SHROOM4: variants seen among roughly 807,000 people sequenced by gnomAD.
The protein encoded by SHROOM4 is protein Shroom4.
A neutral mutation model predicts 80.3 loss-of-function variants in SHROOM4; 17 were observed. The observed-to-expected ratio is 0.21, with a 90% CI of 0.14 to 0.32. The LOEUF (loss-of-function observed/expected upper bound fraction) is 0.32. SHROOM4 is among the 10% of genes least tolerant of loss of function. SHROOM4 has a pLI of 1.00. For missense variants in SHROOM4, 993 were observed against 1,140.3 expected (o/e 0.87, Z 1.86); for synonymous variants, 400 against 437.5 (o/e 0.91, Z 1.07).
chrX:50,655,483 A>ATG (rs1160048698), intron 2 of SHROOM4, among the ~76,000 whole-genome samples: 7 of 106,619 alleles, frequency 6.6e-5, no homozygotes, highest in South Asian at 4.0e-4. Context: ...TTCATTGTAT[A>ATG]TGTGTGTGTG....
chrX:50,590,134 T>A lies in SHROOM4; in HGVS notation c.*6561A>T, dbSNP rs1928839179. ...CACATGCTGAAGCCCTAATCCCCAA[T>A]GTGATGGCATATGGAGGTGGGGCCT... On this transcript the variant is annotated 3_prime_UTR_variant, in exon 9 of 9. Transcript: ENST00000376020. Among the ~76,000 whole-genome samples, 1 of 111,706 alleles carries A rather than the reference T, an allele frequency of 9.0e-6. No individual in the cohort carries two copies. The highest frequency in any genetic ancestry group is 1.9e-5 in the Non-Finnish European group (1 of 53,133).
intron 2 of SHROOM4, among the ~76,000 whole-genome samples, chrX:50,651,732 A>AG (rs782313886): frequency 9.7e-6 from 1 of 102,815 alleles, no homozygotes; most frequent in Admixed American, 1.1e-4. Context: ...TCCCTCCCCT[A>AG]GCCCCTTAAC....
chrX:50,580,225 A>T, the SHROOM4 span, among the ~76,000 whole-genome samples: 1 of 112,293 alleles, frequency 8.9e-6, no homozygotes, highest in Non-Finnish European at 1.9e-5. Flanking sequence ...TTGAGTGTAC[A>T]TCAGAATCAG....
At chrX:50,632,297 T>A (rs1301501404) in intron 4 of SHROOM4, among the ~76,000 whole-genome samples, 1 of 112,325 alleles carries the variant, frequency 8.9e-6, no homozygotes, top group Non-Finnish European at 1.9e-5. Flanking sequence ...ACCAAGGATA[T>A]ATATTGAGCA....
intron 1 of SHROOM4, among the ~76,000 whole-genome samples, chrX:50,771,968 T>C (rs1157718699): frequency 9.1e-6 from 1 of 109,904 alleles, no homozygotes; most frequent in Non-Finnish European, 1.9e-5. Context: ...TGTAAAAACA[T>C]AGGCTAGAAA....
At position 50,635,133 on chromosome X, in the gene SHROOM4, C is replaced by T. The variant is rs1410362252; in HGVS notation, c.940G>A (p.Glu314Lys). The change falls in exon 4 of 9, where the codon GAG becomes AAG. Residue 314 changes from glutamate (E) to lysine (K), a missense_variant. Transcript: ENST00000376020. ...PLPQKEKLSL[E>K]PVLPARNPNR... Reference sequence around the variant, plus strand: ...GGGTTCCTTGCGGGTAGCACAGGCTCTAAGCTCAGTTTCTCCTTCTGTGGC... The same window carrying T: ...GGGTTCCTTGCGGGTAGCACAGGCTTTAAGCTCAGTTTCTCCTTCTGTGGC... 3.3e-6 allele frequency: 4 copies of T among 1,209,450 alleles called. No individual in the cohort carries two copies. Among genetic ancestry groups the T allele is most frequent in the Non-Finnish European group, 4.5e-6 (4 of 894,834 alleles).
chrX:50,710,533 G>A (rs1403796316), intron 1 of SHROOM4, among the ~76,000 whole-genome samples: 1 of 110,763 alleles, frequency 9.0e-6, no homozygotes, highest in African/African-American at 3.3e-5. Context: ...GGAGAGGGAC[G>A]AGGGTTGAAA....
chrX:50,657,717 T>A (rs1932359400), intron 2 of SHROOM4, among the ~76,000 whole-genome samples: 1 of 111,030 alleles, frequency 9.0e-6, no homozygotes, highest in Non-Finnish European at 1.9e-5. Flanking sequence ...TGTAGAGGAC[T>A]CATTTTTCAT....
At chrX:50,625,821 C>T (rs1930775556) in intron 5 of SHROOM4, among the ~76,000 whole-genome samples, 1 of 111,563 alleles carries the variant, frequency 9.0e-6, no homozygotes, top group South Asian at 3.8e-4. Flanking sequence ...GTTTGTGATC[C>T]TATCTAGGTT....
At position 50,679,347 on chromosome X, in the gene SHROOM4, C is replaced by T. The variant is rs144024104; in HGVS notation, c.269+16439G>A. On this transcript the variant is annotated intron_variant, in intron 2 of 8. Transcript: ENST00000376020. ...ATCCTTAACAAAGTTCAACTCCGCA[C>T]TTCTGCTCTGATCTTCCCAAGGACC... Among the ~76,000 whole-genome samples, 102 of 112,007 alleles carry T rather than the reference C, an allele frequency of 9.1e-4. No homozygotes were observed. The East Asian group carries it at 0.017, about 18-fold the overall frequency.
At chrX:50,699,061 G>C (rs1557263328) in intron 1 of SHROOM4, among the ~76,000 whole-genome samples, 1 of 111,716 alleles carries the variant, frequency 9.0e-6, no homozygotes, top group Non-Finnish European at 1.9e-5. Flanking sequence ...AGACCTTCAG[G>C]GTGGCTTTCT....
chrX:50,576,735 G>C, the SHROOM4 span, among the ~76,000 whole-genome samples: 8 of 110,854 alleles, frequency 7.2e-5, no homozygotes, highest in African/African-American at 2.3e-4. Context: ...TAGTGTTCTT[G>C]AGTGTATCTT....
chrX:50,703,136 G>A (rs1407762189), intron 1 of SHROOM4, among the ~76,000 whole-genome samples: 2 of 111,516 alleles, frequency 1.8e-5, no homozygotes, highest in African/African-American at 6.5e-5. Context: ...AGAAGGTAGA[G>A]GATTTCAGTA....
intron 1 of SHROOM4, among the ~76,000 whole-genome samples, chrX:50,725,368 C>G (rs1421340636): frequency 8.9e-6 from 1 of 112,059 alleles, no homozygotes; most frequent in Non-Finnish European, 1.9e-5. Context: ...ACTAAGGCCC[C>G]AATCACCTCA....
Position 50,638,218 on chromosome X carries a change from A to G in SHROOM4, c.360T>C (p.Pro120=), listed in dbSNP as rs781879746. The change falls in exon 3 of 9, where the codon CCT becomes CCC. Residue 120 remains proline (P), a synonymous_variant. Transcript: ENST00000376020. ...CPEAATTMHF[P]SEAFSLSWHS... ...GCCAGGACAAGCTGAAGGCTTCAGA[A>G]GGGAAATGCATGGTGGTGGCTGCTT... 3.3e-6 allele frequency: 4 copies of G among 1,209,807 alleles called. No homozygotes were observed. The Admixed American group carries it at 8.7e-5, about 26-fold the overall frequency.
At chrX:50,737,418 T>C (rs1273196648) in intron 1 of SHROOM4, among the ~76,000 whole-genome samples, 3 of 111,163 alleles carry the variant, frequency 2.7e-5, no homozygotes, top group Non-Finnish European at 5.7e-5. Context: ...GACTGTCAGA[T>C]TGGATAAGAA....
At chrX:50,603,351 A>T (rs921720049) in intron 6 of SHROOM4, among the ~76,000 whole-genome samples, 1 of 109,839 alleles carries the variant, frequency 9.1e-6, no homozygotes, top group East Asian at 2.9e-4. Context: ...TGCCACTCCT[A>T]CTTGAAATGG....
At chrX:50,618,370 T>C (rs939359933) in intron 5 of SHROOM4, among the ~76,000 whole-genome samples, 49 of 40,139 alleles carry the variant, frequency 1.2e-3, no homozygotes, top group Non-Finnish European at 2.0e-3. Flanking sequence ...CTTCCTTCCT[T>C]CCTTCCTTCC....
In SHROOM4 at chrX:50,776,056, C is replaced by T. The variant is rs972506170; in HGVS notation, c.117+37846G>A. 3.6e-5 allele frequency among the ~76,000 whole-genome samples: 4 copies of T among 111,629 alleles called. No homozygotes were observed. The Admixed American group carries it at 3.8e-4, about 11-fold the overall frequency. On this transcript the variant is annotated intron_variant, in intron 1 of 8. Coordinates refer to ENST00000376020, the MANE Select transcript of SHROOM4 (RefSeq NM_020717.5). Reference sequence around the variant, plus strand: ...GGAAAGAGCACTTCCAGCCTTTGAGCCAGATGTCTGTGGCTCCAAATCTTG... The same window carrying T: ...GGAAAGAGCACTTCCAGCCTTTGAGTCAGATGTCTGTGGCTCCAAATCTTG...
Sources: gnomAD v4.1 joint callset for allele counts (sites outside exome capture counted in the v4.1 genomes callset) on GRCh38, gnomAD v4.1.1 for gene constraint, MANE v1.5 for transcripts, NCBI Gene and HGNC (gene_info 2026-07-23, HGNC 2026-07-21) for gene names.